The following ZNF445 variants were observed in gnomAD, a reference collection of about 807,000 sequenced individuals.
The protein encoded by ZNF445 is zinc finger protein 445.
ZNF445 carries 19 observed loss-of-function variants against 93.9 expected under a neutral mutation model. The ratio of observed to expected loss-of-function variants is 0.20; its 90% confidence interval spans 0.14 to 0.30. The LOEUF is 0.30. Among genes scored for constraint, ZNF445 ranks in the 10% least tolerant of loss-of-function variants. The pLI, the probability that ZNF445 is intolerant of heterozygous loss-of-function variation, is 1.00. For missense variants in ZNF445, 1,058 were observed against 1,259.4 expected (o/e 0.84, Z 2.42); for synonymous variants, 449 against 446.3 (o/e 1.01, Z -0.08).
intron 1 of ZNF445, among the ~76,000 whole-genome samples, chr3:44,475,748 C>T (rs1698339876): frequency 6.6e-6 from 1 of 152,128 alleles, no homozygotes; most frequent in African/African-American, 2.4e-5. Context: ...CCTGTAATCC[C>T]AGCATTTTGG....
At position 44,458,336 on chromosome 3, in the gene ZNF445, T is replaced by G. The variant is rs1457885702; in HGVS notation, c.-240A>C. The stretch of plus-strand genomic sequence containing the variant: ...GTGAGCCGAGATCATGCCATTGCAC[T>G]CCAGCCTTGCGAAAGAGCGAGACTC... On this transcript the variant is annotated 5_prime_UTR_variant, in exon 2 of 8. Transcript: ENST00000396077. The G allele has an allele frequency of 6.6e-6, 1 of 151,396 alleles. No individual in the cohort carries two copies. Among genetic ancestry groups the G allele is most frequent in the African/African-American group, 2.4e-5 (1 of 41,162 alleles). 9.4% of individuals were successfully genotyped at this position (151,396 alleles called of 1,614,324 possible).
intron 1 of ZNF445, among the ~76,000 whole-genome samples, chr3:44,465,534 AT>A (rs1698181312): frequency 6.6e-6 from 1 of 152,244 alleles, no homozygotes; most frequent in Non-Finnish European, 1.5e-5. Context: ...TTGATGGAAA[AT>A]TGTAAAGGGG....
intron 1 of ZNF445, among the ~76,000 whole-genome samples, chr3:44,459,044 A>G (rs1698070409): frequency 1.3e-5 from 2 of 152,228 alleles, no homozygotes; most frequent in South Asian, 4.1e-4. Context: ...GATGGGGTAA[A>G]GAGAGCTATG....
In ZNF445 at chr3:44,453,972, A is replaced by G. The variant is rs562027128; in HGVS notation, c.429+1149T>C. 2.0e-5 allele frequency among the ~76,000 whole-genome samples: 3 copies of G among 152,156 alleles called. No individual in the cohort carries two copies. The South Asian group carries it at 6.2e-4, about 32-fold the overall frequency. Reference sequence around the variant, plus strand: ...GCTCTGCCCCTCAGCACTCATGACCATCTTCCCTGCCTCCCATCTCACACA... The same window carrying G: ...GCTCTGCCCCTCAGCACTCATGACCGTCTTCCCTGCCTCCCATCTCACACA... On this transcript the variant is annotated intron_variant, in intron 3 of 7. Coordinates refer to ENST00000396077, the MANE Select transcript of ZNF445 (RefSeq NM_181489.6).
rs1697607690 is a variant in ZNF445 at position 44,433,606 on chromosome 3, C to T, written c.*12969G>A. On this transcript the variant is annotated 3_prime_UTR_variant, in exon 8 of 8. Transcript: ENST00000396077. ...TGAGAGAAATGCCCAGGGAGGGAGACTGGAGAAGGTTCAGGGACCAAGTTC... is the reference window on the plus strand; with the variant it reads ...TGAGAGAAATGCCCAGGGAGGGAGATTGGAGAAGGTTCAGGGACCAAGTTC... 6.6e-6 allele frequency: 1 copy of T among 152,438 alleles called. No homozygotes were observed. The highest frequency in any genetic ancestry group is 2.4e-5 in the African/African-American group (1 of 41,446). The allele number at this position is 152,438 out of a possible 1,614,324, so 9.4% of individuals were successfully genotyped here.
chr3:44,466,633 C>T (rs1403882116), intron 1 of ZNF445, among the ~76,000 whole-genome samples: 1 of 152,082 alleles, frequency 6.6e-6, no homozygotes, highest in Non-Finnish European at 1.5e-5. Context: ...TTTTGTCATC[C>T]ACGGACAATT....
rs902693928 is a variant in ZNF445, at chr3:44,475,598, T to C, written c.-269+1993A>G. 4.6e-5 allele frequency among the ~76,000 whole-genome samples: 7 copies of C among 152,254 alleles called. 1 individual carries two copies. Among genetic ancestry groups the C allele is most frequent in the African/African-American group, 9.6e-5 (4 of 41,470 alleles). ...AATTTGGATTCCTTCTTTCATTAAT[T>C]TGTCATATATTTATTGAGAACCTAC... On this transcript the variant is annotated intron_variant, in intron 1 of 7. Transcript: ENST00000396077.
chr3:44,476,792 G>GA (rs1698364460), intron 1 of ZNF445, among the ~76,000 whole-genome samples: 1 of 151,996 alleles, frequency 6.6e-6, no homozygotes, highest in Non-Finnish European at 1.5e-5. Context: ...TAACCACCCT[G>GA]ACAAACAAGA....
At position 44,433,042 on chromosome 3, in the gene ZNF445, G is replaced by C. The variant is rs1575298354; in HGVS notation, c.*13533C>G. Reference sequence around the variant, plus strand: ...CAGCTTTGCAACATCCTAACAAGGAGACGGGAAACTGAAGTACCACAGGAA... The same window carrying C: ...CAGCTTTGCAACATCCTAACAAGGACACGGGAAACTGAAGTACCACAGGAA... On this transcript the variant is annotated 3_prime_UTR_variant, in exon 8 of 8. Coordinates refer to ENST00000396077, the MANE Select transcript of ZNF445 (RefSeq NM_181489.6). The C allele has an allele frequency of 6.6e-6, 1 of 152,186 alleles. No homozygotes were observed. Among genetic ancestry groups the C allele is most frequent in the Middle Eastern group, 3.4e-3 (1 of 290 alleles). 9.4% of individuals were successfully genotyped at this position (152,186 alleles called of 1,614,324 possible).
Position 44,432,344 on chromosome 3 carries a change from T to C in ZNF445, c.*14231A>G, listed in dbSNP as rs1448479654. The C allele has an allele frequency of 6.6e-6, 1 of 152,348 alleles. No homozygotes were observed. The highest frequency in any genetic ancestry group is 1.5e-5 in the Non-Finnish European group (1 of 68,350). The allele number at this position is 152,348 out of a possible 1,614,324, so 9.4% of individuals were successfully genotyped here. On this transcript the variant is annotated 3_prime_UTR_variant, in exon 8 of 8. Coordinates refer to ENST00000396077, the MANE Select transcript of ZNF445 (RefSeq NM_181489.6). ...AGAGAGAGAGGGATTTATGAATTTATGATAAGGAATTGGCTTATAGAATTA... is the reference window on the plus strand; with the variant it reads ...AGAGAGAGAGGGATTTATGAATTTACGATAAGGAATTGGCTTATAGAATTA...
rs140134600 is a variant in ZNF445, at chr3:44,445,478, G to A, written c.*1097C>T. ...AATGACCCATGATGCTCATATGGCC[G>A]GGCCTGTGGCCTCCCTGGCCCCTCT... On this transcript the variant is annotated 3_prime_UTR_variant, in exon 8 of 8. Transcript: ENST00000396077. 6.4e-3 allele frequency: 969 copies of A among 152,448 alleles called. 15 individuals are homozygous for A. The highest frequency in any genetic ancestry group is 0.021 in the African/African-American group (890 of 41,494). 9.4% of individuals were successfully genotyped at this position (152,448 alleles called of 1,614,324 possible). A position where few individuals can be genotyped will look rare whatever the true frequency, so the allele number is the denominator to read the frequency against.
rs1697829864 is a variant in ZNF445, at chr3:44,442,983, C to T, written c.*3592G>A. 1 of 152,246 alleles carries T rather than the reference C, an allele frequency of 6.6e-6. No homozygotes were observed. The allele number at this position is 152,246 out of a possible 1,614,324, so 9.4% of individuals were successfully genotyped here. Reference sequence around the variant, plus strand: ...ATAAATAAGCACCCAACCCTGGCTTCCAGAGTGCTTGGTCTGGCTATGGAG... The same window carrying T: ...ATAAATAAGCACCCAACCCTGGCTTTCAGAGTGCTTGGTCTGGCTATGGAG... On this transcript the variant is annotated 3_prime_UTR_variant, in exon 8 of 8. Transcript: ENST00000396077.
At chr3:44,462,078 A>T (rs1293172785) in intron 1 of ZNF445, among the ~76,000 whole-genome samples, 2 of 152,022 alleles carry the variant, frequency 1.3e-5, no homozygotes, top group Non-Finnish European at 2.9e-5. Flanking sequence ...AATAGAAACT[A>T]GTCTTTGGCG....
chr3:44,447,004 G>C lies in ZNF445; in HGVS notation c.2667C>G (p.Ile889Met), dbSNP rs144911874. ...RNYRLVNHQR[I>M]HSTERPFKCQ... ...ATTTGAAAGGTCTCTCTGTAGAGTG[G>C]ATCCTCTGATGGTTAACAAGGCGAT... Residue 889 changes from isoleucine (I) to methionine (M), a missense_variant, in exon 8 of 8, where the codon ATC becomes ATG. Ile to Met is a conservative substitution (Grantham distance 10). Transcript: ENST00000396077. This position sits in a 1 kb window ranked among gnomAD's most constrained non-coding sequence, Gnocchi z 4.7. 6.2e-7 allele frequency: 1 copy of C among 1,614,030 alleles called. No individual in the cohort carries two copies. Among genetic ancestry groups the C allele is most frequent in the Non-Finnish European group, 8.5e-7 (1 of 1,180,028 alleles).
chr3:44,455,573 G>T lies in ZNF445; in HGVS notation c.-24C>A. The T allele has an allele frequency of 6.5e-7, 1 of 1,544,196 alleles. No homozygotes were observed. Among genetic ancestry groups the T allele is most frequent in the Non-Finnish European group, 8.7e-7 (1 of 1,147,288 alleles). On this transcript the variant is annotated 5_prime_UTR_variant, in exon 3 of 8. It adds an upstream start codon to the 5' untranslated region. Coordinates refer to ENST00000396077, the MANE Select transcript of ZNF445 (RefSeq NM_181489.6). ...ATCACTCCTGTTCAGGGACTAACCA[G>T]AAGAGTGCGAACCAAGTCCACCTTA...
In ZNF445 at chr3:44,448,552, A is replaced by C. The variant is rs753267260; in HGVS notation, c.1119T>G (p.Val373=). The stretch of plus-strand genomic sequence containing the variant: ...GACTGAAATTGGTCTCTTCTTTCTT[A>C]ACTCTTACTTGTATGGGATTTTCAC... ...DQCENPIQVR[V]KKEETNFSHR... is the part of the protein sequence containing the mutation. The change falls in exon 8 of 8, where the codon GTT becomes GTG. Residue 373 remains valine, a synonymous_variant. Coordinates refer to ENST00000396077, the MANE Select transcript of ZNF445 (RefSeq NM_181489.6). 1 of 1,614,072 alleles carries C rather than the reference A, an allele frequency of 6.2e-7. No homozygotes were observed. The highest frequency in any genetic ancestry group is 8.5e-7 in the Non-Finnish European group (1 of 1,180,026).
rs1171506818 is a variant in ZNF445, at chr3:44,442,955, CAG to C, written c.*3618_*3619del. Reference sequence around the variant, plus strand: ...TGCAAGATATTTTCTGCATGGCAAACAGATAAATAAGCACCCAACCCTGGCTT... The same window carrying C: ...TGCAAGATATTTTCTGCATGGCAAACATAAATAAGCACCCAACCCTGGCTT... On this transcript the variant is annotated 3_prime_UTR_variant, in exon 8 of 8. Transcript: ENST00000396077. 2.0e-5 allele frequency: 3 copies of C among 152,322 alleles called. No individual in the cohort carries two copies. Among genetic ancestry groups the C allele is most frequent in the Non-Finnish European group, 4.4e-5 (3 of 68,028 alleles). 9.4% of individuals were successfully genotyped at this position (152,322 alleles called of 1,614,324 possible). A position where few individuals can be genotyped will look rare whatever the true frequency, so the allele number is the denominator to read the frequency against.
chr3:44,450,272 G>A, intron 6 of ZNF445, 175 bp downstream of exon 6: 2 of 718,480 alleles, frequency 2.8e-6, no homozygotes, highest in Non-Finnish European at 4.6e-6. Flanking sequence ...AGAATGGCAG[G>A]CATTATTCTC....
At chr3:44,471,677 A>C (rs1575318581) in intron 1 of ZNF445, among the ~76,000 whole-genome samples, 1 of 152,356 alleles carries the variant, frequency 6.6e-6, no homozygotes, top group East Asian at 1.9e-4. Flanking sequence ...GAAGACTCAC[A>C]CTAGAAGGCA....
Sources: allele counts gnomAD v4.1 joint callset (sites outside exome capture counted in the v4.1 genomes callset), GRCh38; gene constraint gnomAD v4.1.1; non-coding constraint Gnocchi (gnomAD v3.1); transcripts MANE v1.5; gene names NCBI Gene and HGNC (gene_info 2026-07-23, HGNC 2026-07-21).